The following TUT7 variants were observed in gnomAD, a reference collection of about 807,000 sequenced individuals.
TUT7 encodes the protein terminal uridylyl transferase 7.
TUT7 carries 33 observed loss-of-function variants against 165.9 expected under a neutral mutation model. The observed-to-expected ratio is 0.20, with a 90% CI of 0.15 to 0.27. TUT7 has a LOEUF of 0.27. Ranked by LOEUF, TUT7 falls within the 10% of genes least tolerant of loss-of-function variation. The probability of loss-of-function intolerance (pLI) is 1.00; values close to 1 mark genes in which losing one functional copy is unlikely to be tolerated. For missense variants in TUT7, 1,338 were observed against 1,762.3 expected, an observed-to-expected ratio of 0.76 and a Z score of 4.31; for synonymous variants, 552 against 608.1, an observed-to-expected ratio of 0.91 and a Z score of 1.36.
chr9:86,336,426 C>A (rs1381981178), intron 10 of TUT7, among the ~76,000 whole-genome samples: 1 of 152,172 alleles, frequency 6.6e-6, no homozygotes, highest in Non-Finnish European at 1.5e-5. Flanking sequence ...TACTAGGATA[C>A]ACAGCATGCA....
chr9:86,293,252 C>T lies in TUT7; in HGVS notation c.4421-4508G>A, dbSNP rs542021627. Among the ~76,000 whole-genome samples the T allele has an allele frequency of 2.6e-5, 4 of 152,158 alleles. No individual in the cohort carries two copies. In the South Asian group the frequency reaches 6.2e-4, roughly 24 times the overall value. ...ATCATCTGAGCCCAAGAGTTCAAGACGAGCCTGGGCAACATGGCGAGACCC... is the reference window on the plus strand; with the variant it reads ...ATCATCTGAGCCCAAGAGTTCAAGATGAGCCTGGGCAACATGGCGAGACCC... On this transcript the variant is annotated intron_variant, in intron 26 of 26. Coordinates refer to ENST00000375963, the MANE Select transcript of TUT7 (RefSeq NM_024617.4).
Position 86,323,062 on chromosome 9 carries a change from A to T in TUT7, c.2688T>A (p.Asp896Glu). 6.2e-7 allele frequency: 1 copy of T among 1,614,136 alleles called. No homozygotes were observed. The highest frequency in any genetic ancestry group is 8.5e-7 in the Non-Finnish European group (1 of 1,180,018). Residue 896 changes from aspartate to glutamate, a missense_variant, in exon 13 of 27, where the codon GAT becomes GAA. This residue lies in a region of TUT7 where 425 missense variants were observed against 474.9 expected (regional missense o/e 0.89). Coordinates refer to ENST00000375963, the MANE Select transcript of TUT7 (RefSeq NM_024617.4). ...ACTTAGCAGCTTCGCCTAACTCATC[A>T]TCCTCTTCAGATAGGGCGTCCTCAT... Reference protein sequence around the residue: ...SGDEDALSEEDDELGEAAKYE... With the variant: ...SGDEDALSEEEDELGEAAKYE...
chr9:86,333,234 C>A (rs926341179), intron 10 of TUT7, among the ~76,000 whole-genome samples: 1 of 152,142 alleles, frequency 6.6e-6, no homozygotes, highest in South Asian at 2.1e-4. Context: ...TAAGCCTTGG[C>A]CCCCAACTAT....
chr9:86,318,414 A>C (rs1304180137), intron 16 of TUT7, among the ~76,000 whole-genome samples: 1 of 152,240 alleles, frequency 6.6e-6, no homozygotes, highest in Non-Finnish European at 1.5e-5. Context: ...GAATTGCCCA[A>C]GGGCCATCGT....
chr9:86,294,978 A>T (rs4320625), intron 26 of TUT7, among the ~76,000 whole-genome samples: 67,377 of 151,862 alleles, frequency 0.44, 15,167 homozygotes, highest in Middle Eastern at 0.6. Flanking sequence ...TTTGAGATTT[A>T]ATAAAAAGCT....
At chr9:86,318,842 A>G (rs1587923047) in intron 16 of TUT7, 116 bp downstream of exon 16, 1 of 668,594 alleles carries the variant, frequency 1.5e-6, no homozygotes, top group East Asian at 2.8e-5. Flanking sequence ...TGTGCCAAAC[A>G]GCACACTCTA....
intron 10 of TUT7, among the ~76,000 whole-genome samples, chr9:86,334,659 G>T (rs752442266): frequency 1.2e-4 from 18 of 152,000 alleles, no homozygotes; most frequent in Non-Finnish European, 2.4e-4. Context: ...GACGACTTCT[G>T]GGCTCCTTTC....
intron 26 of TUT7, chr9:86,298,772 T>G: frequency 2.0e-6 from 2 of 984,976 alleles, no homozygotes; most frequent in Non-Finnish European, 1.2e-6. Context: ...CATACCTGAC[T>G]GGGGACTCAA....
chr9:86,339,003 A>C, intron 8 of TUT7, 54 bp from the exon 9 acceptor site: 1 of 1,474,864 alleles, frequency 6.8e-7, no homozygotes, highest in Non-Finnish European at 9.0e-7. Flanking sequence ...AAAGTGTTAC[A>C]CAGGTCTCAA....
At chr9:86,322,789 T>A (rs1829435282) in intron 13 of TUT7, 84 bp downstream of exon 13, 12 of 1,434,172 alleles carry the variant, frequency 8.4e-6, no homozygotes, top group Non-Finnish European at 1.1e-5. Flanking sequence ...AATAGGAAAA[T>A]TCCTAGTATA....
At chr9:86,353,885 GTT>G (rs917391843) in intron 1 of TUT7, among the ~76,000 whole-genome samples, 1 of 152,184 alleles carries the variant, frequency 6.6e-6, no homozygotes, top group Non-Finnish European at 1.5e-5. Context: ...AACAAGTTTG[GTT>G]TTGTCAGGAA....
At chr9:86,296,835 G>C (rs1311932346) in intron 26 of TUT7, among the ~76,000 whole-genome samples, 3 of 152,186 alleles carry the variant, frequency 2.0e-5, no homozygotes. Context: ...TTACAGGTGA[G>C]ATACAGTTCA....
intron 6 of TUT7, among the ~76,000 whole-genome samples, chr9:86,341,433 T>C (rs79701978): frequency 0.019 from 2,964 of 152,312 alleles, 110 homozygotes; most frequent in African/African-American, 0.067. Flanking sequence ...CACTTCTTTT[T>C]AAAATCCTTG....
rs186843023 is a variant in TUT7 at position 86,346,281 on chromosome 9, T to C, written c.702+18A>G. 4.3e-4 allele frequency: 690 copies of C among 1,599,722 alleles called. 1 individual carries two copies. The African/African-American group carries it at 8.4e-3, about 19-fold the overall frequency. On this transcript the variant is annotated intron_variant, in intron 3 of 26. Coordinates refer to ENST00000375963, the MANE Select transcript of TUT7 (RefSeq NM_024617.4). ...AAACCAGGATTCTAACCAACAAATATATATATAAGGATGTTACCCTTTTTA... is the reference window on the plus strand; with the variant it reads ...AAACCAGGATTCTAACCAACAAATACATATATAAGGATGTTACCCTTTTTA...
In TUT7 at chr9:86,287,971, C is replaced by T. The variant is rs1825658071; in HGVS notation, c.*706G>A. On this transcript the variant is annotated 3_prime_UTR_variant, in exon 27 of 27. Transcript: ENST00000375963. Reference sequence around the variant, plus strand: ...TATCATAAAAAGTAAAAAGTACTTTCATTTTATTTTTCCTTTGAAAATGTT... The same window carrying T: ...TATCATAAAAAGTAAAAAGTACTTTTATTTTATTTTTCCTTTGAAAATGTT... The T allele has an allele frequency of 6.6e-6, 1 of 152,144 alleles. No individual in the cohort carries two copies. Among genetic ancestry groups the T allele is most frequent in the Non-Finnish European group, 1.5e-5 (1 of 68,020 alleles). 9.4% of individuals were successfully genotyped at this position (152,144 alleles called of 1,614,324 possible).
chr9:86,345,137 C>T lies in TUT7; in HGVS notation c.837G>A (p.Glu279=), dbSNP rs1254107190. 5 of 1,605,406 alleles carry T rather than the reference C, an allele frequency of 3.1e-6. No individual in the cohort carries two copies. In the African/African-American group the frequency reaches 6.7e-5, roughly 22 times the overall value. Residue 279 remains glutamate, a synonymous_variant, in exon 5 of 27, where the codon GAG becomes GAA. Transcript: ENST00000375963. ...TTGGTGGGGGTAACGTAGTGAGCAACTCTTCCTCTTGCTTCTCCTTTTAAG... is the reference window on the plus strand; with the variant it reads ...TTGGTGGGGGTAACGTAGTGAGCAATTCTTCCTCTTGCTTCTCCTTTTAAG... ...KKNIKEKQEE[E]LLTTLPPPTP... is the part of the protein sequence containing the mutation.
At chr9:86,337,947 G>A (rs1830968985) in intron 9 of TUT7, among the ~76,000 whole-genome samples, 1 of 152,042 alleles carries the variant, frequency 6.6e-6, no homozygotes, top group Non-Finnish European at 1.5e-5. Context: ...TGCATGCTTT[G>A]GTCACAAAGA....
At chr9:86,303,966 T>G (rs1261576308) in intron 24 of TUT7, among the ~76,000 whole-genome samples, 1 of 152,188 alleles carries the variant, frequency 6.6e-6, no homozygotes, top group Non-Finnish European at 1.5e-5. Context: ...TTTAAAAGTC[T>G]TCACTGGGAG....
In TUT7 at chr9:86,345,649, T is replaced by C; in HGVS notation, c.819+20A>G. Reference sequence around the variant, plus strand: ...ACAACTAACAAGTAAGCAGACTTGTTTGGGTTACATTCAATTTACCTTAAT... The same window carrying C: ...ACAACTAACAAGTAAGCAGACTTGTCTGGGTTACATTCAATTTACCTTAAT... On this transcript the variant is annotated intron_variant, in intron 4 of 26. Transcript: ENST00000375963. 1 of 1,550,610 alleles carries C rather than the reference T, an allele frequency of 6.4e-7. No individual in the cohort carries two copies. The highest frequency in any genetic ancestry group is 8.9e-7 in the Non-Finnish European group (1 of 1,124,598).
Sources: gnomAD v4.1 joint callset for allele counts (sites outside exome capture counted in the v4.1 genomes callset) on GRCh38, gnomAD v4.1.1 for gene constraint, gnomAD v4.1.1 regional missense constraint, MANE v1.5 for transcripts, NCBI Gene and HGNC (gene_info 2026-07-23, HGNC 2026-07-21) for gene names.